Variants in SPAM1 observed in about 807,000 individuals in gnomAD.
The protein encoded by SPAM1 is hyaluronidase PH-20.
In SPAM1, 22 loss-of-function variants were observed where a neutral mutation model predicts 29.6. The observed-to-expected ratio is 0.74, with a 90% CI of 0.53 to 1.06. SPAM1 has a LOEUF of 1.06. Ranked by LOEUF, SPAM1 falls within the 50% of genes least tolerant of loss-of-function variation. The pLI is 0.00. For synonymous variants in SPAM1, 194 were observed against 204.6 expected, an observed-to-expected ratio of 0.95 and a Z score of 0.44; for missense variants, 534 against 604.0, an observed-to-expected ratio of 0.88 and a Z score of 1.21.
At chr7:123,941,241 G>A (rs1444663303) in intron 1 of SPAM1, among the ~76,000 whole-genome samples, 2 of 152,158 alleles carry the variant, frequency 1.3e-5, no homozygotes, top group African/African-American at 2.4e-5. Flanking sequence ...TAAGGCTATG[G>A]ACACACCTGT....
chr7:123,971,147 AC>A (rs2117084242), exon 7 of SPAM1: 1 of 152,194 alleles, frequency 6.6e-6, no homozygotes, highest in African/African-American at 2.4e-5. Flanking sequence ...ATTATCCTTA[AC>A]CTTTTTGACA....
intron 1 of SPAM1, among the ~76,000 whole-genome samples, chr7:123,948,079 C>A (rs1411090545): frequency 6.6e-6 from 1 of 151,998 alleles, no homozygotes; most frequent in African/African-American, 2.4e-5. Flanking sequence ...ATCAAGTTAT[C>A]TATTTCTGGT....
intron 1 of SPAM1, among the ~76,000 whole-genome samples, chr7:123,939,542 T>A (rs908789300): frequency 1.3e-5 from 2 of 152,214 alleles, no homozygotes; most frequent in Admixed American, 6.5e-5. Context: ...ACTTTAAGTT[T>A]CATCATCAGC....
chr7:123,970,040 T>G (rs1293325263), intron 5 of SPAM1, among the ~76,000 whole-genome samples: 4 of 152,068 alleles, frequency 2.6e-5, no homozygotes. Context: ...AGCTTAGTGT[T>G]TCCTTAAGTC....
At chr7:123,965,199 A>G (rs894303118) in intron 5 of SPAM1, among the ~76,000 whole-genome samples, 22 of 151,928 alleles carry the variant, frequency 1.4e-4, no homozygotes, top group African/African-American at 4.8e-4. Context: ...CCACCATTAT[A>G]CAATACTGCT....
At chr7:123,940,633 C>T (rs1808401249) in intron 1 of SPAM1, among the ~76,000 whole-genome samples, 1 of 151,964 alleles carries the variant, frequency 6.6e-6, no homozygotes, top group African/African-American at 2.4e-5. Context: ...GTACTACAAG[C>T]TCATACCACC....
chr7:123,945,341 C>T (rs912587159), intron 1 of SPAM1, among the ~76,000 whole-genome samples: 2 of 151,814 alleles, frequency 1.3e-5, no homozygotes, highest in Non-Finnish European at 2.9e-5. Flanking sequence ...TCAGAATGCA[C>T]CTCTGAATTA....
rs1392744116 is a variant in SPAM1 at position 123,970,658 on chromosome 7, A to G, written c.*49-349A>G. Among the ~76,000 whole-genome samples the G allele has an allele frequency of 4.6e-5, 7 of 150,836 alleles. No homozygotes were observed. In the South Asian group the frequency reaches 1.5e-3, roughly 31 times the overall value. ...CACTAGGGTTTAAGAACTTCAACAT[A>G]TGAATTTTGAAAGAACACAGTTCAG... is the stretch of plus-strand genomic sequence containing the variant. On this transcript the variant is annotated intron_variant, in intron 6 of 6. Transcript: ENST00000340011.
In SPAM1 at chr7:123,959,901, A is replaced by T. The variant is rs1324737336; in HGVS notation, c.1462A>T (p.Thr488Ser). The change falls in exon 5 of 5, where the codon ACA (threonine) becomes TCA (serine). Residue 488 changes from threonine (T) to serine (S), a missense_variant. Coordinates refer to ENST00000682466, the MANE Select transcript of SPAM1 (RefSeq NM_153189.3). The part of the protein sequence containing the change: ...PQIFYNASPS[T>S]LSATMFIVSI... ...AATTTTCTACAATGCTTCACCCTCC[A>T]CACTATCTGCCACAATGTTCATTGT... 1 of 1,612,710 alleles carries T rather than the reference A, an allele frequency of 6.2e-7. No individual in the cohort carries two copies.
At chr7:123,954,846 G>A in intron 3 of SPAM1, 151 bp from the exon 4 acceptor site, 1 of 599,558 alleles carries the variant, frequency 1.7e-6, no homozygotes, top group Non-Finnish European at 3.0e-6. Flanking sequence ...TTGTTTTATA[G>A]TAAGGCAATG....
chr7:123,968,423 C>G (rs1310143419), intron 5 of SPAM1, among the ~76,000 whole-genome samples: 3 of 152,024 alleles, frequency 2.0e-5, no homozygotes, highest in African/African-American at 7.2e-5. Flanking sequence ...CATGTTTCAG[C>G]CAATCTTCAG....
intron 1 of SPAM1, among the ~76,000 whole-genome samples, chr7:123,941,155 C>T (rs1282508533): frequency 1.3e-5 from 2 of 152,026 alleles, no homozygotes; most frequent in African/African-American, 2.4e-5. Flanking sequence ...TCTCTCTTCC[C>T]ATCTTAAAAA....
At chr7:123,970,247 G>A in exon 6 of SPAM1, 6 of 1,548,742 alleles carry the variant, frequency 3.9e-6, no homozygotes, top group Non-Finnish European at 5.2e-6. Flanking sequence ...GGTTTCTTCT[G>A]AGAGTCATGA....
At chr7:123,951,257 GT>G (rs1363914720) in intron 2 of SPAM1, among the ~76,000 whole-genome samples, 18 of 152,134 alleles carry the variant, frequency 1.2e-4, no homozygotes, top group African/African-American at 3.9e-4. Flanking sequence ...ATGCTTTTTA[GT>G]TTAATAAAGT....
Position 123,959,599 on chromosome 7 carries a change from G to A in SPAM1, c.1160G>A (p.Cys387Tyr). ...GTGCTTTGCCAGGAGCAAGGAGTGT[G>A]TATAAGGAAAAACTGGAATTCAAGT... is the stretch of plus-strand genomic sequence containing the variant. ...SQVLCQEQGV[C>Y]IRKNWNSSDY... Residue 387 changes from cysteine to tyrosine, a missense_variant, in exon 5 of 5, where the codon TGT becomes TAT. Transcript: ENST00000682466. The A allele has an allele frequency of 6.2e-7, 1 of 1,613,182 alleles. No individual in the cohort carries two copies. The highest frequency in any genetic ancestry group is 8.5e-7 in the Non-Finnish European group (1 of 1,179,524).
intron 4 of SPAM1, among the ~76,000 whole-genome samples, chr7:123,957,121 G>A (rs925769507): frequency 1.6e-4 from 25 of 151,986 alleles, no homozygotes; most frequent in African/African-American, 5.8e-4. Context: ...TAGTGTTGAA[G>A]AATATTGACA....
intron 1 of SPAM1, among the ~76,000 whole-genome samples, chr7:123,933,938 G>A (rs944576753): frequency 6.6e-6 from 1 of 152,114 alleles, no homozygotes; most frequent in African/African-American, 2.4e-5. Context: ...TGATGTTATA[G>A]TCATTGTACT....
At chr7:123,941,247 C>G (rs1179797025) in intron 1 of SPAM1, among the ~76,000 whole-genome samples, 2 of 152,200 alleles carry the variant, frequency 1.3e-5, no homozygotes, top group Admixed American at 6.5e-5. Flanking sequence ...TATGGACACA[C>G]CTGTGACACA....
chr7:123,956,295 T>A (rs1792247112), intron 4 of SPAM1, among the ~76,000 whole-genome samples: 1 of 152,060 alleles, frequency 6.6e-6, no homozygotes, highest in Non-Finnish European at 1.5e-5. Context: ...TTGTATATAT[T>A]TCTGCTATCT....
Sources: gnomAD v4.1 joint callset for allele counts (sites outside exome capture counted in the v4.1 genomes callset) on GRCh38, gnomAD v4.1.1 for gene constraint, MANE v1.5 for transcripts, NCBI Gene and HGNC (gene_info 2026-07-23, HGNC 2026-07-21) for gene names.